GNAI3: variants seen among roughly 807,000 people sequenced by gnomAD.
GNAI3 encodes guanine nucleotide-binding protein G(i) subunit alpha-3.
Under a neutral mutation model 41.8 loss-of-function variants are expected in GNAI3, and 12 were observed. The ratio of observed to expected loss-of-function variants is 0.29; its 90% CI spans 0.18 to 0.47. GNAI3 has a LOEUF of 0.47. GNAI3 is among the 20% of genes least tolerant of loss of function. The pLI is 1.00. For missense variants in GNAI3, 360 were observed against 429.6 expected (o/e 0.84, Z 1.43); for synonymous variants, 132 against 146.5 (o/e 0.90, Z 0.71).
intron 3 of GNAI3, among the ~76,000 whole-genome samples, chr1:109,574,615 ATACT>A (rs1648689327): frequency 6.6e-6 from 1 of 152,182 alleles, no homozygotes; most frequent in Admixed American, 6.5e-5. Flanking sequence ...TATTATAATA[ATACT>A]TAGTGGACCC....
At position 109,593,640 on chromosome 1, in the gene GNAI3, A is replaced by G. The variant is rs2101114167; in HGVS notation, c.*1318A>G. 6.6e-6 allele frequency: 1 copy of G among 152,626 alleles called. No individual in the cohort carries two copies. Among genetic ancestry groups the G allele is most frequent in the East Asian group, 1.9e-4 (1 of 5,194 alleles). The allele number at this position is 152,626 out of a possible 1,614,324, so 9.5% of individuals were successfully genotyped here. On this transcript the variant is annotated 3_prime_UTR_variant, in exon 9 of 9. Transcript: ENST00000369851. ...AGGTAGAAGGGTTTCCTGAAAGTCT[A>G]GTCTTTTGGTGTAATAGTATTGTTG...
intron 7 of GNAI3, 127 bp from the exon 8 acceptor site, chr1:109,591,916 A>G (rs1649181870): frequency 3.8e-6 from 2 of 521,634 alleles, no homozygotes; most frequent in Non-Finnish European, 6.9e-6. Context: ...GATTATAGAA[A>G]TAGAGAATTC....
rs967660394 is a variant in GNAI3 at position 109,594,175 on chromosome 1, G to C, written c.*1853G>C. The C allele has an allele frequency of 4.6e-5, 7 of 152,318 alleles. No individual in the cohort carries two copies. The highest frequency in any genetic ancestry group is 8.8e-5 in the Non-Finnish European group (6 of 68,020). The allele number at this position is 152,318 out of a possible 1,614,324, so 9.4% of individuals were successfully genotyped here. A position where few individuals can be genotyped will look rare whatever the true frequency, so the allele number is the denominator to read the frequency against. On this transcript the variant is annotated 3_prime_UTR_variant, in exon 9 of 9. Coordinates refer to ENST00000369851, the MANE Select transcript of GNAI3 (RefSeq NM_006496.4). ...GATTCAGTGCCCACAATGTAAACAG[G>C]GTTGGTAGTTGTTACTCATTTTGAA...
chr1:109,548,777 C>T lies in GNAI3; in HGVS notation c.57C>T (p.Ile19=), dbSNP rs1265904543. 6.2e-7 allele frequency: 1 copy of T among 1,613,478 alleles called. No individual in the cohort carries two copies. Among genetic ancestry groups the T allele is most frequent in the Non-Finnish European group, 8.5e-7 (1 of 1,179,792 alleles). ...DKAAVERSKM[I]DRNLREDGEK... ...CGGCAGTGGAGCGAAGCAAGATGATCGACCGCAACTTACGGGAGGACGGGG... is the reference window on the plus strand; with the variant it reads ...CGGCAGTGGAGCGAAGCAAGATGATTGACCGCAACTTACGGGAGGACGGGG... The change falls in exon 1 of 9, where the codon ATC becomes ATT. Residue 19 remains isoleucine (I), a synonymous_variant. Coordinates refer to ENST00000369851, the MANE Select transcript of GNAI3 (RefSeq NM_006496.4).
chr1:109,554,330 A>G (rs978761688), intron 1 of GNAI3, among the ~76,000 whole-genome samples: 5 of 152,148 alleles, frequency 3.3e-5, no homozygotes, highest in Admixed American at 2.6e-4. Context: ...TGGTTGTACT[A>G]GTTTACATTC....
At chr1:109,586,452 G>A in intron 6 of GNAI3, 107 bp downstream of exon 6, 3 of 1,136,932 alleles carry the variant, frequency 2.6e-6, no homozygotes, top group Admixed American at 4.7e-5. Context: ...CCAAAACTTA[G>A]TATCTTTAAT....
chr1:109,578,248 A>G (rs937154650), intron 3 of GNAI3, among the ~76,000 whole-genome samples: 4 of 152,164 alleles, frequency 2.6e-5, no homozygotes, highest in Non-Finnish European at 5.9e-5. Flanking sequence ...AGGCGAGTGG[A>G]TCACCTGAGG....
intron 7 of GNAI3, among the ~76,000 whole-genome samples, chr1:109,587,840 G>T (rs1341282016): frequency 6.6e-6 from 1 of 152,080 alleles, no homozygotes; most frequent in Non-Finnish European, 1.5e-5. Context: ...AACTCAGGAT[G>T]GAAATAAAAA....
chr1:109,593,943 C>A lies in GNAI3; in HGVS notation c.*1621C>A, dbSNP rs1410257263. 1 of 152,512 alleles carries A rather than the reference C, an allele frequency of 6.6e-6. No homozygotes were observed. The highest frequency in any genetic ancestry group is 1.5e-5 in the Non-Finnish European group (1 of 67,994). 9.4% of individuals were successfully genotyped at this position (152,512 alleles called of 1,614,324 possible). On this transcript the variant is annotated 3_prime_UTR_variant, in exon 9 of 9. Coordinates refer to ENST00000369851, the MANE Select transcript of GNAI3 (RefSeq NM_006496.4). ...TATTTCATCTTTTGATGTGACTTTT[C>A]ACTAGTTTACAAAAAAAAGGTTGGT... is the stretch of plus-strand genomic sequence containing the variant.
chr1:109,549,612 G>GA (rs2101085558), intron 1 of GNAI3, among the ~76,000 whole-genome samples: 1 of 152,284 alleles, frequency 6.6e-6, no homozygotes, highest in South Asian at 2.1e-4. Context: ...AAGATCTAGT[G>GA]AACAAGAGAT....
At chr1:109,553,437 C>A (rs909117574) in intron 1 of GNAI3, among the ~76,000 whole-genome samples, 4 of 152,118 alleles carry the variant, frequency 2.6e-5, no homozygotes, top group Admixed American at 2.0e-4. Flanking sequence ...TTTACTTAAA[C>A]TCTATATTAT....
At chr1:109,555,939 C>G (rs903735680) in intron 1 of GNAI3, among the ~76,000 whole-genome samples, 2 of 139,706 alleles carry the variant, frequency 1.4e-5, no homozygotes, top group Admixed American at 1.5e-4. Flanking sequence ...CATACTTTCT[C>G]CTGGGGAAAG....
rs1177718243 is a variant in GNAI3 at position 109,594,365 on chromosome 1, G to A, written c.*2043G>A. 1 of 152,092 alleles carries A rather than the reference G, an allele frequency of 6.6e-6. No homozygotes were observed. Among genetic ancestry groups the A allele is most frequent in the Non-Finnish European group, 1.5e-5 (1 of 68,004 alleles). The allele number at this position is 152,092 out of a possible 1,614,324, so 9.4% of individuals were successfully genotyped here. A position where few individuals can be genotyped will look rare whatever the true frequency, so the allele number is the denominator to read the frequency against. On this transcript the variant is annotated 3_prime_UTR_variant, in exon 9 of 9. Transcript: ENST00000369851. ...AAAAAGTTCATTTTACTTTGAATTTGTATTTTCATTTGAATATCTATCTGA... is the reference window on the plus strand; with the variant it reads ...AAAAAGTTCATTTTACTTTGAATTTATATTTTCATTTGAATATCTATCTGA...
intron 1 of GNAI3, among the ~76,000 whole-genome samples, chr1:109,567,714 G>A (rs1259168917): frequency 2.0e-5 from 3 of 152,112 alleles, no homozygotes; most frequent in African/African-American, 7.2e-5. Flanking sequence ...ATAAAACTTT[G>A]CGAGGCCTTA....
intron 5 of GNAI3, among the ~76,000 whole-genome samples, chr1:109,585,912 C>T (rs1233004444): frequency 3.3e-5 from 5 of 152,152 alleles, no homozygotes; most frequent in African/African-American, 9.6e-5. Flanking sequence ...CTTTTCCCCT[C>T]CTTCCTTTAA....
intron 5 of GNAI3, among the ~76,000 whole-genome samples, chr1:109,583,667 G>A (rs1648953636): frequency 1.3e-5 from 2 of 151,678 alleles, no homozygotes; most frequent in Admixed American, 1.3e-4. Context: ...TGCAACCTCT[G>A]CCTTCCGGGT....
At chr1:109,550,667 G>A (rs1647961057) in intron 1 of GNAI3, among the ~76,000 whole-genome samples, 1 of 152,042 alleles carries the variant, frequency 6.6e-6, no homozygotes, top group African/African-American at 2.4e-5. Flanking sequence ...CCAAGTAGCT[G>A]GGACTACAGG....
chr1:109,599,110 C>T lies in GNAI3; in HGVS notation c.*6788C>T. 3.9e-6 allele frequency: 1 copy of T among 258,210 alleles called. No individual in the cohort carries two copies. The highest frequency in any genetic ancestry group is 3.7e-5 in the South Asian group (1 of 26,898). The allele number at this position is 258,210 out of a possible 1,614,324, so 16.0% of individuals were successfully genotyped here. On this transcript the variant is annotated 3_prime_UTR_variant, in exon 9 of 9. Coordinates refer to ENST00000369851, the MANE Select transcript of GNAI3 (RefSeq NM_006496.4). ...GTGGATTTTATTACCAGAGTAGGAA[C>T]TGTTTCAAGTTAATGTGTCTTTTAT... is the stretch of plus-strand genomic sequence containing the variant.
chr1:109,580,813 T>A (rs963063149), intron 4 of GNAI3, among the ~76,000 whole-genome samples: 3 of 152,244 alleles, frequency 2.0e-5, no homozygotes, highest in African/African-American at 7.2e-5. Context: ...TAGCATACAT[T>A]TATACAGTCT....
Sources: allele counts gnomAD v4.1 joint callset (sites outside exome capture counted in the v4.1 genomes callset), GRCh38; gene constraint gnomAD v4.1.1; transcripts MANE v1.5; gene names NCBI Gene and HGNC (gene_info 2026-07-23, HGNC 2026-07-21).